SYNM: variants seen among roughly 807,000 people sequenced by gnomAD.
The protein encoded by SYNM is synemin, also known as desmuslin.
Under a neutral mutation model 104.0 loss-of-function variants are expected in SYNM, and 95 were observed. The ratio of observed to expected loss-of-function variants is 0.91; its 90% CI spans 0.77 to 1.08. SYNM has a LOEUF of 1.08. Among genes scored for constraint, SYNM ranks in the 50% least tolerant of loss-of-function variants. The probability of loss-of-function intolerance (pLI) is 0.00; values close to 1 mark genes in which losing one functional copy is unlikely to be tolerated. For synonymous variants in SYNM, 918 were observed against 869.0 expected, an observed-to-expected ratio of 1.06 and a Z score of -0.99; for missense variants, 2,150 against 2,052.2, an observed-to-expected ratio of 1.05 and a Z score of -0.92.
downstream of SYNM, chr15:99,139,771 T>C: frequency 2.3e-6 from 3 of 1,298,704 alleles, no homozygotes; most frequent in South Asian, 3.8e-5. Context: ...AAAATAGTTT[T>C]GTTTTTTTTG....
At chr15:99,107,299 G>T (rs2067255228) in intron 1 of SYNM, among the ~76,000 whole-genome samples, 1 of 152,208 alleles carries the variant, frequency 6.6e-6, no homozygotes, top group Non-Finnish European at 1.5e-5. Flanking sequence ...TGCAATGACA[G>T]TGGCCAGGGG....
intron 2 of SYNM, among the ~76,000 whole-genome samples, chr15:99,116,216 T>C (rs972437695): frequency 7.9e-5 from 12 of 152,268 alleles, no homozygotes; most frequent in Non-Finnish European, 1.5e-4. Context: ...GTTGGCATTC[T>C]CCTTGGAAAT....
chr15:99,137,468 T>C (rs62023640), downstream of SYNM: 12,029 of 152,510 alleles, frequency 0.079, 492 homozygotes, highest in African/African-American at 0.093. Flanking sequence ...GGGCTCTTTC[T>C]CAAACCCCTT....
chr15:99,120,289 G>A (rs188231665), intron 2 of SYNM, among the ~76,000 whole-genome samples: 7 of 152,292 alleles, frequency 4.6e-5, no homozygotes, highest in Non-Finnish European at 1.0e-4. Flanking sequence ...ATGATGTGTC[G>A]GGTGCAGTGG....
chr15:99,113,839 A>C (rs574384979), intron 2 of SYNM, 124 bp downstream of exon 2: 1 of 1,417,630 alleles, frequency 7.1e-7, no homozygotes, highest in East Asian at 2.5e-5. Context: ...AGCAGAGAGC[A>C]GCCCTTGGCA....
Position 99,132,069 on chromosome 15 carries a change from C to T in SYNM, c.3709C>T (p.Gln1237Ter), listed in dbSNP as rs1392105476. 1 of 1,613,802 alleles carries T rather than the reference C, an allele frequency of 6.2e-7. No individual in the cohort carries two copies. Among genetic ancestry groups the T allele is most frequent in the African/African-American group, 1.3e-5 (1 of 74,932 alleles). ...QFHAEKEIIF[Q>*]GPISAAGKVG... is the part of the protein sequence containing the mutation. ...TCATGCTGAAAAGGAGATTATTTTT[C>T]AGGGCCCCATTTCTGCTGCAGGGAA... Residue 1237 changes from glutamine (Q) to a stop codon, truncating the protein, a stop_gained, in exon 4 of 4, where the codon CAG becomes TAG. Transcript: ENST00000336292. LOFTEE classifies it high-confidence loss of function.
chr15:99,126,966 A>G (rs1188504829), intron 3 of SYNM, among the ~76,000 whole-genome samples, 174 bp downstream of exon 3: 1 of 152,210 alleles, frequency 6.6e-6, no homozygotes, highest in Non-Finnish European at 1.5e-5. Context: ...ACATAATTTC[A>G]ATTATGTGAA....
rs782443405 is a variant in SYNM at position 99,131,742 on chromosome 15, A to G, written c.3382A>G (p.Lys1128Glu). The G allele has an allele frequency of 5.0e-6, 8 of 1,613,824 alleles. No individual in the cohort carries two copies. Among genetic ancestry groups the G allele is most frequent in the Admixed American group, 1.7e-5 (1 of 60,018 alleles). Reference protein sequence around the residue: ...EDVSQAARHIKLGPSEVWRTE... With the variant: ...EDVSQAARHIELGPSEVWRTE... ...TGTGAGCCAGGCTGCAAGGCACATA[A>G]AACTCGGCCCCTCTGAAGTCTGGAG... Residue 1128 changes from lysine to glutamate, a missense_variant, in exon 4 of 4, where the codon AAA becomes GAA. Physicochemically the swap from Lys to Glu is moderately conservative, Grantham distance 56 (BLOSUM62 1). Transcript: ENST00000336292. This position sits in a 1 kb window ranked among gnomAD's most constrained non-coding sequence, Gnocchi z 4.3.
chr15:99,131,731 C>T lies in SYNM; in HGVS notation c.3371C>T (p.Ala1124Val), dbSNP rs1596137451. 1 of 1,613,876 alleles carries T rather than the reference C, an allele frequency of 6.2e-7. No individual in the cohort carries two copies. Among genetic ancestry groups the T allele is most frequent in the South Asian group, 1.1e-5 (1 of 91,084 alleles). The change falls in exon 4 of 4, where the codon GCA becomes GTA. Residue 1124 changes from alanine (A) to valine (V), a missense_variant. Physicochemically the swap from Ala to Val is moderately conservative, Grantham distance 64. Transcript: ENST00000336292. The surrounding 1 kb of genome is among the most constrained non-coding windows in gnomAD (Gnocchi z 4.3). ...GTGCTGGAGGATGTGAGCCAGGCTG[C>T]AAGGCACATAAAACTCGGCCCCTCT... ...SQVLEDVSQAARHIKLGPSEV... is the reference protein window; with the variant it reads ...SQVLEDVSQAVRHIKLGPSEV...
chr15:99,130,788 G>T lies in SYNM; in HGVS notation c.2428G>T (p.Glu810Ter). 1 of 1,613,996 alleles carries T rather than the reference G, an allele frequency of 6.2e-7. No homozygotes were observed. Among genetic ancestry groups the T allele is most frequent in the African/African-American group, 1.3e-5 (1 of 75,032 alleles). Residue 810 changes from glutamate to a stop codon, truncating the protein, a stop_gained, in exon 4 of 4, where the codon GAG (glutamate) becomes TAG (stop). Transcript: ENST00000336292. LOFTEE classifies it high-confidence loss of function. The part of the protein sequence containing the change: ...NQHRRTKQPQ[E>*]NTTHVEEVTE... ...GCATCGAAGGACCAAGCAGCCTCAG[G>T]AGAACACGACTCACGTGGAAGAAGT...
rs192270232 is a variant in SYNM, at chr15:99,131,061, G to A, written c.2701G>A (p.Asp901Asn). ...TGTCCCAGCGCCCTCTCTGGAGGGG[G>A]ACCTGGGTTCCACTCACTGGAAAGA... ...LDVPAPSLEGDLGSTHWKEQA... is the reference protein window; with the variant it reads ...LDVPAPSLEGNLGSTHWKEQA... The change falls in exon 4 of 4, where the codon GAC becomes AAC. Residue 901 changes from aspartate to asparagine, a missense_variant. By Grantham distance (23) the Asp-to-Asn change is conservative. Transcript: ENST00000336292. This position sits in a 1 kb window ranked among gnomAD's most constrained non-coding sequence, Gnocchi z 4.3. 4.7e-3 allele frequency: 7,584 copies of A among 1,606,708 alleles called. 35 individuals are homozygous for A. The highest frequency in any genetic ancestry group is 5.7e-3 in the Non-Finnish European group (6,763 of 1,176,336).
Position 99,130,877 on chromosome 15 carries a change from C to G in SYNM, c.2517C>G (p.Pro839=). 2.5e-6 allele frequency: 4 copies of G among 1,613,806 alleles called. No individual in the cohort carries two copies. Among genetic ancestry groups the G allele is most frequent in the Non-Finnish European group, 2.5e-6 (3 of 1,179,836 alleles). The part of the protein sequence containing the change: ...SYFVSTPDEH[P]GGHDRDDGSV... ...TTGTGTCCACTCCAGATGAACACCC[C>G]GGGGGGCACGACAGAGATGACGGCT... is the stretch of plus-strand genomic sequence containing the variant. Residue 839 remains proline, a synonymous_variant, in exon 4 of 4, where the codon CCC becomes CCG. Coordinates refer to ENST00000336292, the MANE Select transcript of SYNM (RefSeq NM_145728.3).
Position 99,130,188 on chromosome 15 carries a change from G to C in SYNM, c.1828G>C (p.Glu610Gln), listed in dbSNP as rs1555485545. 3.1e-6 allele frequency: 5 copies of C among 1,613,930 alleles called. No homozygotes were observed. The highest frequency in any genetic ancestry group is 1.1e-5 in the South Asian group (1 of 91,082). Residue 610 changes from glutamate (E) to glutamine (Q), a missense_variant, in exon 4 of 4, where the codon GAG (glutamate) becomes CAG (glutamine). Physicochemically the swap from Glu to Gln is conservative, Grantham distance 29 (BLOSUM62 2). Transcript: ENST00000336292. ...VKDAGGGTGREAEARELRFRL... is the reference protein window; with the variant it reads ...VKDAGGGTGRQAEARELRFRL... ...GGATGCTGGTGGTGGGACCGGTAGA[G>C]AGGCAGAAGCAAGAGAGCTACGGTT...
rs782282302 is a variant in SYNM at position 99,105,250 on chromosome 15, G to A, written c.51G>A (p.Glu17=). 2.1e-5 allele frequency: 33 copies of A among 1,569,700 alleles called. No individual in the cohort carries two copies. The highest frequency in any genetic ancestry group is 2.8e-5 in the Non-Finnish European group (32 of 1,158,462). ...GCCCCGAGAAGGCCGAGCTCCAGGA[G>A]CTCAACGCCCGGCTCTATGACTACG... ...QTGPEKAELQ[E]LNARLYDYVC... Residue 17 remains glutamate (E), a synonymous_variant, in exon 1 of 4, where the codon GAG becomes GAA. Coordinates refer to ENST00000336292, the MANE Select transcript of SYNM (RefSeq NM_145728.3).
intron 2 of SYNM, among the ~76,000 whole-genome samples, chr15:99,124,257 A>G (rs1555484835): frequency 2.6e-5 from 4 of 152,226 alleles, no homozygotes. Flanking sequence ...TGTCCCTTGC[A>G]GAGCTTTAGA....
chr15:99,114,848 G>A (rs1401395026), intron 2 of SYNM, among the ~76,000 whole-genome samples: 1 of 152,094 alleles, frequency 6.6e-6, no homozygotes, highest in African/African-American at 2.4e-5. Context: ...CAGCTCTCAT[G>A]CTCAGGGCAG....
In SYNM at chr15:99,130,810, A is replaced by G; in HGVS notation, c.2450A>G (p.Glu817Gly). ...QPQENTTHVE[E>G]VTEAGDSEGE... ...CAGGAGAACACGACTCACGTGGAAGAAGTGACAGAGGCAGGTGATTCAGAG... is the reference window on the plus strand; with the variant it reads ...CAGGAGAACACGACTCACGTGGAAGGAGTGACAGAGGCAGGTGATTCAGAG... Residue 817 changes from glutamate (E) to glycine (G), a missense_variant, in exon 4 of 4, where the codon GAA becomes GGA. Glu to Gly is a moderately conservative substitution (Grantham distance 98). Coordinates refer to ENST00000336292, the MANE Select transcript of SYNM (RefSeq NM_145728.3). The G allele has an allele frequency of 4.3e-6, 7 of 1,613,980 alleles. No individual in the cohort carries two copies. Among genetic ancestry groups the G allele is most frequent in the Non-Finnish European group, 5.1e-6 (6 of 1,179,892 alleles).
Position 99,132,218 on chromosome 15 carries a change from G to A in SYNM, c.3858G>A (p.Lys1286=). The change falls in exon 4 of 4, where the codon AAG becomes AAA. Residue 1286 remains lysine, a synonymous_variant. Transcript: ENST00000336292. ...QIQFTAPLSD[K]VELGVIGDSV... ...AGTTCACAGCTCCACTTTCAGACAA[G>A]GTGGAGTTGGGTGTCATAGGAGATT... The A allele has an allele frequency of 6.2e-7, 1 of 1,612,322 alleles. No individual in the cohort carries two copies. Among genetic ancestry groups the A allele is most frequent in the Non-Finnish European group, 8.5e-7 (1 of 1,178,704 alleles).
At chr15:99,122,573 C>T (rs1194412506) in intron 2 of SYNM, among the ~76,000 whole-genome samples, 7 of 152,282 alleles carry the variant, frequency 4.6e-5, no homozygotes, top group South Asian at 4.1e-4. Flanking sequence ...TGGTGGCTCA[C>T]GCCTGTAATC....
Sources: allele counts gnomAD v4.1 joint callset (sites outside exome capture counted in the v4.1 genomes callset), GRCh38; gene constraint gnomAD v4.1.1; non-coding constraint Gnocchi (gnomAD v3.1); transcripts MANE v1.5; gene names NCBI Gene and HGNC (gene_info 2026-07-23, HGNC 2026-07-21).